The following GLT1D1 variants were observed in gnomAD, a reference collection of about 807,000 sequenced individuals.
GLT1D1 encodes glycosyltransferase 1 domain containing 1, also known as glycosyltransferase 1 domain-containing protein 1.
A neutral mutation model predicts 28.7 loss-of-function variants in GLT1D1; 21 were observed. That is an observed-to-expected ratio of 0.73 (90% CI 0.52 to 1.05). The LOEUF is 1.05. GLT1D1 is among the 50% of genes least tolerant of loss of function. The probability of loss-of-function intolerance (pLI) is 0.00; values close to 1 mark genes in which losing one functional copy is unlikely to be tolerated. For synonymous variants in GLT1D1, 147 were observed against 124.8 expected (o/e 1.18, Z -1.19); for missense variants, 343 against 330.6 (o/e 1.04, Z -0.29).
chr12:128,912,932 G>C (rs773884626), intron 4 of GLT1D1, among the ~76,000 whole-genome samples: 12 of 152,094 alleles, frequency 7.9e-5, no homozygotes, highest in Non-Finnish European at 1.6e-4. Context: ...TGGCTACATT[G>C]TTAAGATTTT....
At chr12:128,907,601 C>T (rs909972344) in intron 4 of GLT1D1, among the ~76,000 whole-genome samples, 10 of 152,164 alleles carry the variant, frequency 6.6e-5, no homozygotes, top group Middle Eastern at 3.4e-3. Flanking sequence ...CACCGTGCCC[C>T]GCCACTAATC....
At position 128,949,980 on chromosome 12, in the gene GLT1D1, T is replaced by C. The variant is rs568225208; in HGVS notation, c.540+2522T>C. On this transcript the variant is annotated intron_variant, in intron 6 of 7. Transcript: ENST00000281703. ...GGCTTCCAGACTCCAGCCCTAGTGATTGAAGTGGGATGTGAAGGCATTCAA... is the reference window on the plus strand; with the variant it reads ...GGCTTCCAGACTCCAGCCCTAGTGACTGAAGTGGGATGTGAAGGCATTCAA... 6.9e-4 allele frequency among the ~76,000 whole-genome samples: 105 copies of C among 152,284 alleles called. 2 individuals carry two copies. The South Asian group carries it at 9.3e-3, about 14-fold the overall frequency.
At chr12:128,912,595 T>C in intron 4 of GLT1D1, 135 bp downstream of exon 5, 1 of 353,258 alleles carries the variant, frequency 2.8e-6, no homozygotes, top group East Asian at 4.4e-5. Context: ...GAGACACATA[T>C]TGAGATGTTT....
intron 6 of GLT1D1, among the ~76,000 whole-genome samples, chr12:128,949,825 TAC>T (rs1011716535): frequency 6.6e-6 from 1 of 151,574 alleles, no homozygotes; most frequent in Non-Finnish European, 1.5e-5. Context: ...CACACACATG[TAC>T]ACACGCACAT....
At chr12:128,955,436 C>T (rs1373371103) in intron 6 of GLT1D1, among the ~76,000 whole-genome samples, 1 of 152,096 alleles carries the variant, frequency 6.6e-6, no homozygotes, top group Admixed American at 6.5e-5. Flanking sequence ...CCTGAGAAGA[C>T]ATGAGCATGC....
At chr12:128,959,105 G>C (rs886536213) in intron 7 of GLT1D1, among the ~76,000 whole-genome samples, 5 of 151,534 alleles carry the variant, frequency 3.3e-5, no homozygotes, top group Non-Finnish European at 7.4e-5. Flanking sequence ...CTGAAGTACT[G>C]GGATTACAGG....
chr12:128,899,214 A>G (rs1277955944), intron 3 of GLT1D1, 22 bp from the exon 4 acceptor site: 1 of 1,593,592 alleles, frequency 6.3e-7, no homozygotes, highest in East Asian at 2.2e-5. Flanking sequence ...AATTGTTTCT[A>G]TTATTTTTGT....
intron 4 of GLT1D1, among the ~76,000 whole-genome samples, chr12:128,914,181 CTT>C (rs1351774630): frequency 2.6e-5 from 4 of 151,850 alleles, no homozygotes; most frequent in Non-Finnish European, 5.9e-5. Context: ...TTAAATGTAA[CTT>C]CTCTCTCTGA....
intron 1 of GLT1D1, among the ~76,000 whole-genome samples, chr12:128,866,004 T>A (rs1005104111): frequency 2.0e-5 from 3 of 152,120 alleles, no homozygotes; most frequent in Admixed American, 2.0e-4. Context: ...CTGTGCCATT[T>A]TATATCTGGG....
At chr12:128,953,851 T>A (rs1876982740) in intron 6 of GLT1D1, among the ~76,000 whole-genome samples, 1 of 150,756 alleles carries the variant, frequency 6.6e-6, no homozygotes, top group African/African-American at 2.4e-5. Context: ...GATCAAGCGA[T>A]TCTCCTGCCT....
At chr12:128,946,846 G>A (rs1054369569) in intron 5 of GLT1D1, among the ~76,000 whole-genome samples, 4 of 150,476 alleles carry the variant, frequency 2.7e-5, no homozygotes, top group African/African-American at 4.9e-5. Context: ...ACGGGGTTTC[G>A]CCATGTTCGC....
chr12:128,948,467 C>T (rs1324343505), intron 6 of GLT1D1, among the ~76,000 whole-genome samples: 1 of 152,124 alleles, frequency 6.6e-6, no homozygotes, highest in Non-Finnish European at 1.5e-5. Flanking sequence ...CTTGGTGGTT[C>T]TCAGCACACA....
chr12:128,857,275 A>G (rs1431138695), intron 1 of GLT1D1, among the ~76,000 whole-genome samples: 1 of 145,440 alleles, frequency 6.9e-6, no homozygotes, highest in Non-Finnish European at 1.5e-5. Context: ...CCTTGGGGCT[A>G]CAAAGGGGAA....
chr12:128,980,318 C>T (rs1880200691), intron 7 of GLT1D1, among the ~76,000 whole-genome samples: 1 of 152,196 alleles, frequency 6.6e-6, no homozygotes, highest in African/African-American at 2.4e-5. Context: ...GTCTTCTTCC[C>T]AGACCATGTT....
At chr12:128,959,421 C>CTGGG (rs1877680715) in intron 7 of GLT1D1, among the ~76,000 whole-genome samples, 3 of 9,946 alleles carry the variant, frequency 3.0e-4, no homozygotes, top group East Asian at 6.4e-3. Context: ...TGGGGGGGGA[C>CTGGG]GGGTGGGGAG....
chr12:128,862,382 G>T (rs1014285263), intron 1 of GLT1D1, among the ~76,000 whole-genome samples: 1 of 150,696 alleles, frequency 6.6e-6, no homozygotes, highest in Non-Finnish European at 1.5e-5. Context: ...GTTGCTGGGC[G>T]CTGTGGCTCA....
chr12:128,896,449 T>C (rs1010248592), intron 3 of GLT1D1, among the ~76,000 whole-genome samples: 1 of 152,046 alleles, frequency 6.6e-6, no homozygotes, highest in Non-Finnish European at 1.5e-5. Flanking sequence ...TTTTTTTTTG[T>C]ACTTCATGCG....
chr12:128,869,943 T>G (rs1234941296), intron 1 of GLT1D1, among the ~76,000 whole-genome samples: 6 of 150,338 alleles, frequency 4.0e-5, no homozygotes, highest in Admixed American at 6.6e-5. Context: ...TATTCTATTT[T>G]TTTTTTTTTT....
At chr12:128,963,310 G>A (rs1437102841) in intron 7 of GLT1D1, among the ~76,000 whole-genome samples, 1 of 152,104 alleles carries the variant, frequency 6.6e-6, no homozygotes, top group Non-Finnish European at 1.5e-5. Context: ...GTTGATTCCA[G>A]GGTCGTATGG....
Sources: gnomAD v4.1 joint callset for allele counts (sites outside exome capture counted in the v4.1 genomes callset) on GRCh38, gnomAD v4.1.1 for gene constraint, MANE v1.5 for transcripts, NCBI Gene and HGNC (gene_info 2026-07-23, HGNC 2026-07-21) for gene names.